The following NRXN1 variants were observed in gnomAD, a reference collection of about 807,000 sequenced individuals.
The protein encoded by NRXN1 is neurexin 1.
A neutral mutation model predicts 150.9 loss-of-function variants in NRXN1; 39 were observed. The observed-to-expected ratio is 0.26, with a 90% confidence interval of 0.20 to 0.34. The LOEUF is 0.34. NRXN1 is among the 10% of genes least tolerant of loss of function. NRXN1 has a pLI of 1.00. For missense variants in NRXN1, 1,815 were observed against 1,949.9 expected, an observed-to-expected ratio of 0.93 and a Z score of 1.30; for synonymous variants, 924 against 757.0, an observed-to-expected ratio of 1.22 and a Z score of -3.62.
chr2:49,980,591 G>A (rs1458880874), intron 21 of NRXN1, among the ~76,000 whole-genome samples: 1 of 152,108 alleles, frequency 6.6e-6, no homozygotes. Context: ...AAAGTATGAA[G>A]TATTTTAGTT....
rs1417561893 is a variant in NRXN1, at chr2:50,530,648, G to A, written c.2347+579C>T. Among the ~76,000 whole-genome samples, 3 of 152,228 alleles carry A rather than the reference G, an allele frequency of 2.0e-5. No homozygotes were observed. In the East Asian group the frequency reaches 5.8e-4, roughly 29 times the overall value. On this transcript the variant is annotated intron_variant, in intron 11 of 22. Transcript: ENST00000401669. ...TAGTGTTCTCATGGCTGTTTGCTAAGGGCCGCAGACTTTGGGCATTGAAGG... is the reference window on the plus strand; with the variant it reads ...TAGTGTTCTCATGGCTGTTTGCTAAAGGCCGCAGACTTTGGGCATTGAAGG...
Position 50,472,509 on chromosome 2 carries a change from T to C in NRXN1, c.3071-38A>G, listed in dbSNP as rs201380272. Reference sequence around the variant, plus strand: ...CAAAGTCTTTGTTACAAAAGTACCATGTCATTGACTTTAAACACACAGTAG... The same window carrying C: ...CAAAGTCTTTGTTACAAAAGTACCACGTCATTGACTTTAAACACACAGTAG... On this transcript the variant is annotated intron_variant, in intron 15 of 22. Transcript: ENST00000401669. The C allele has an allele frequency of 1.3e-5, 21 of 1,556,700 alleles. No individual in the cohort carries two copies. The African/African-American group carries it at 2.2e-4, about 16-fold the overall frequency.
intron 18 of NRXN1, among the ~76,000 whole-genome samples, chr2:50,223,389 A>G (rs1435914091): frequency 1.3e-5 from 2 of 151,962 alleles, no homozygotes; most frequent in Non-Finnish European, 2.9e-5. Flanking sequence ...CCAGTTACAA[A>G]TAATCAAATA....
intron 15 of NRXN1, among the ~76,000 whole-genome samples, chr2:50,485,202 C>T (rs1469724974): frequency 6.6e-6 from 1 of 152,146 alleles, no homozygotes; most frequent in Non-Finnish European, 1.5e-5. Context: ...GACTGAAGTG[C>T]CAACACAGTC....
rs550144879 is a variant in NRXN1 at position 50,475,938 on chromosome 2, G to T, written c.3071-3467C>A. Among the ~76,000 whole-genome samples the T allele has an allele frequency of 6.6e-5, 10 of 152,048 alleles. No individual in the cohort carries two copies. In the East Asian group the frequency reaches 1.9e-3, roughly 30 times the overall value. ...CAGGTGAGTCCCTGTGCATGTGAAG[G>T]AGGATATACTTAATGGCTCTGTGTA... On this transcript the variant is annotated intron_variant, in intron 15 of 22. Coordinates refer to ENST00000401669, the MANE Select transcript of NRXN1 (RefSeq NM_001330078.2).
chr2:50,282,525 A>G (rs990429479), intron 17 of NRXN1, among the ~76,000 whole-genome samples: 1 of 152,166 alleles, frequency 6.6e-6, no homozygotes, highest in African/African-American at 2.4e-5. Flanking sequence ...CCACGGGACC[A>G]ACAGTGAAAC....
chr2:50,658,306 C>G (rs923178328), intron 5 of NRXN1, among the ~76,000 whole-genome samples: 1 of 151,770 alleles, frequency 6.6e-6, no homozygotes, highest in South Asian at 2.1e-4. Flanking sequence ...GGATCCTTGA[C>G]CTGCCCAATG....
chr2:50,538,550 C>T lies in NRXN1; in HGVS notation c.1846G>A (p.Gly616Arg), dbSNP rs1240647399. Reference sequence around the variant, plus strand: ...CCAGCTTTATTTTCTGGCAGCCCCCCCAGGTACAACTCATCATCCAGGTCC... The same window carrying T: ...CCAGCTTTATTTTCTGGCAGCCCCCTCAGGTACAACTCATCATCCAGGTCC... ...ILDLDDELYLGGLPENKAGLV... is the reference protein window; with the variant it reads ...ILDLDDELYLRGLPENKAGLV... Residue 616 changes from glycine to arginine, a missense_variant, in exon 10 of 23, where the codon GGG becomes AGG. Gly to Arg is a moderately radical substitution (Grantham distance 125). Transcript: ENST00000401669. 1 of 1,580,542 alleles carries T rather than the reference C, an allele frequency of 6.3e-7. No individual in the cohort carries two copies. Among genetic ancestry groups the T allele is most frequent in the Non-Finnish European group, 8.6e-7 (1 of 1,161,716 alleles).
At chr2:50,130,841 A>G (rs868103005) in intron 18 of NRXN1, among the ~76,000 whole-genome samples, 10 of 152,202 alleles carry the variant, frequency 6.6e-5, no homozygotes, top group African/African-American at 2.4e-4. Context: ...TGAAGACTTG[A>G]AAAGAGCAGC....
intron 21 of NRXN1, chr2:49,966,613 T>C (rs1044824795): frequency 6.6e-6 from 1 of 151,858 alleles, no homozygotes; most frequent in African/African-American, 2.4e-5. Context: ...AAATCAGGTA[T>C]CAGATGATTA....
At chr2:50,385,517 A>C (rs573096432) in intron 17 of NRXN1, among the ~76,000 whole-genome samples, 1 of 152,336 alleles carries the variant, frequency 6.6e-6, no homozygotes, top group Admixed American at 6.5e-5. Flanking sequence ...TGTTGGTGGC[A>C]TGTGGCTTAC....
chr2:50,667,087 T>A (rs1371429165), intron 5 of NRXN1, among the ~76,000 whole-genome samples: 1 of 151,988 alleles, frequency 6.6e-6, no homozygotes, highest in Non-Finnish European at 1.5e-5. Context: ...GCAATTGGGA[T>A]GCTTTACTCA....
At chr2:50,115,217 G>GTGTGTATATA (rs1553626152) in intron 18 of NRXN1, among the ~76,000 whole-genome samples, 1 of 134,914 alleles carries the variant, frequency 7.4e-6, no homozygotes, top group Non-Finnish European at 1.6e-5. Context: ...TATGTTATGT[G>GTGTGTATATA]TATATATATA....
chr2:50,886,087 T>C (rs951480803), intron 5 of NRXN1, among the ~76,000 whole-genome samples: 2 of 151,366 alleles, frequency 1.3e-5, no homozygotes, highest in African/African-American at 4.8e-5. Context: ...GACTAGTGAA[T>C]CCATTTTTGT....
intron 5 of NRXN1, among the ~76,000 whole-genome samples, chr2:50,873,210 A>G (rs1211183366): frequency 6.6e-6 from 1 of 151,846 alleles, no homozygotes; most frequent in Non-Finnish European, 1.5e-5. Flanking sequence ...ATCAAATGAG[A>G]TAACATTTAT....
intron 19 of NRXN1, among the ~76,000 whole-genome samples, chr2:50,072,436 T>C (rs1011881305): frequency 7.9e-5 from 12 of 152,008 alleles, no homozygotes; most frequent in African/African-American, 1.5e-4. Context: ...AGATACACTG[T>C]GTCCACTTCA....
At chr2:50,115,217 G>GTGTA (rs1553626152) in intron 18 of NRXN1, among the ~76,000 whole-genome samples, 6 of 134,912 alleles carry the variant, frequency 4.4e-5, no homozygotes, top group Admixed American at 3.1e-4. Context: ...TATGTTATGT[G>GTGTA]TATATATATA....
At chr2:50,322,688 G>A (rs2076130564) in intron 17 of NRXN1, among the ~76,000 whole-genome samples, 2 of 152,060 alleles carry the variant, frequency 1.3e-5, no homozygotes, top group South Asian at 4.1e-4. Flanking sequence ...TTTCCCATTA[G>A]TTATATTTGA....
At chr2:50,718,549 C>T (rs1574228559) in intron 5 of NRXN1, among the ~76,000 whole-genome samples, 1 of 152,232 alleles carries the variant, frequency 6.6e-6, no homozygotes, top group African/African-American at 2.4e-5. Flanking sequence ...TACTAATGTA[C>T]TCAAGTTCAT....
Sources: gnomAD v4.1 joint callset for allele counts (sites outside exome capture counted in the v4.1 genomes callset) on GRCh38, gnomAD v4.1.1 for gene constraint, MANE v1.5 for transcripts, NCBI Gene and HGNC (gene_info 2026-07-23, HGNC 2026-07-21) for gene names.